Variants in FAM227B observed in about 807,000 individuals in gnomAD.
FAM227B encodes protein FAM227B.
Under a neutral mutation model 73.8 loss-of-function variants are expected in FAM227B, and 88 were observed. The observed-to-expected ratio is 1.19, with a 90% confidence interval of 1.00 to 1.42. The LOEUF (loss-of-function observed/expected upper bound fraction) is 1.42, where lower values mean the gene tolerates loss of function less well. Ranked by LOEUF, FAM227B falls within the 40% of genes most tolerant of loss-of-function variation. The pLI is 0.00. For synonymous variants in FAM227B, 210 were observed against 190.5 expected, an observed-to-expected ratio of 1.10 and a Z score of -0.84; for missense variants, 632 against 590.9, an observed-to-expected ratio of 1.07 and a Z score of -0.72.
intron 11 of FAM227B, among the ~76,000 whole-genome samples, chr15:49,461,840 G>T (rs536143227): frequency 6.6e-6 from 1 of 152,202 alleles, no homozygotes; most frequent in South Asian, 2.1e-4. Flanking sequence ...TCTACATATG[G>T]TTACTAGGGT....
chr15:49,357,007 G>T (rs1164944813), intron 13 of FAM227B, among the ~76,000 whole-genome samples: 2 of 151,080 alleles, frequency 1.3e-5, no homozygotes, highest in Middle Eastern at 3.4e-3. Flanking sequence ...CGAAATGAAG[G>T]CAGAAATAAA....
At chr15:49,613,893 TGA>T (rs1567709473) in intron 2 of FAM227B, among the ~76,000 whole-genome samples, 1 of 152,164 alleles carries the variant, frequency 6.6e-6, no homozygotes. Context: ...TTGAAAAGAA[TGA>T]GAGATATGAG....
intron 15 of FAM227B, 41 bp from the exon 16 acceptor site, chr15:49,328,716 T>A (rs764911836): frequency 2.8e-5 from 44 of 1,545,108 alleles, no homozygotes; most frequent in Middle Eastern, 1.7e-4. Flanking sequence ...CAGATCTTCT[T>A]GGACATTGTA....
rs571206209 is a variant in FAM227B at position 49,441,878 on chromosome 15, G to C, written c.1012+66333C>G. Among the ~76,000 whole-genome samples the C allele has an allele frequency of 1.1e-4, 17 of 151,272 alleles. No homozygotes were observed. The South Asian group carries it at 3.6e-3, about 32-fold the overall frequency. On this transcript the variant is annotated intron_variant, in intron 11 of 15. Coordinates refer to ENST00000299338, the MANE Select transcript of FAM227B (RefSeq NM_152647.3). Reference sequence around the variant, plus strand: ...TCTCAGTGGTCAGTAGGAGGAGGGAGCAACCTTCTCATTGTACTTATGCAT... The same window carrying C: ...TCTCAGTGGTCAGTAGGAGGAGGGACCAACCTTCTCATTGTACTTATGCAT...
At chr15:49,378,235 A>C (rs543882296) in intron 11 of FAM227B, among the ~76,000 whole-genome samples, 1 of 151,516 alleles carries the variant, frequency 6.6e-6, no homozygotes, top group African/African-American at 2.4e-5. Context: ...TTTTTATGCC[A>C]GTACCATGCT....
At chr15:49,516,022 T>A (rs117094444) in intron 10 of FAM227B, among the ~76,000 whole-genome samples, 58 of 152,306 alleles carry the variant, frequency 3.8e-4, no homozygotes, top group African/African-American at 7.7e-4. Flanking sequence ...GGATCTGGTA[T>A]GTAGTCCTGG....
At chr15:49,486,840 G>C (rs1053547203) in intron 11 of FAM227B, 3 of 151,702 alleles carry the variant, frequency 2.0e-5, no homozygotes, top group African/African-American at 4.8e-5. Flanking sequence ...AATAAAATTT[G>C]CTCTAGTTAC....
At chr15:49,464,823 G>C (rs2054119946) in intron 11 of FAM227B, among the ~76,000 whole-genome samples, 1 of 152,098 alleles carries the variant, frequency 6.6e-6, no homozygotes, top group Non-Finnish European at 1.5e-5. Flanking sequence ...CATTCTCCTT[G>C]CTTAGCGTTA....
intron 10 of FAM227B, among the ~76,000 whole-genome samples, chr15:49,517,801 T>C (rs1481297953): frequency 1.3e-5 from 2 of 152,178 alleles, no homozygotes; most frequent in Non-Finnish European, 2.9e-5. Context: ...TTACTACCCA[T>C]TCCAAGGGTA....
At chr15:49,403,432 A>T (rs574287425) in intron 11 of FAM227B, among the ~76,000 whole-genome samples, 1 of 152,272 alleles carries the variant, frequency 6.6e-6, no homozygotes, top group Non-Finnish European at 1.5e-5. Flanking sequence ...TATCGCCTTA[A>T]TTTCAGAACA....
intron 3 of FAM227B, among the ~76,000 whole-genome samples, chr15:49,600,474 T>G (rs1023581355): frequency 6.6e-6 from 1 of 151,264 alleles, no homozygotes; most frequent in African/African-American, 2.4e-5. Context: ...ACCAATATGG[T>G]GAAACCCCAT....
At chr15:49,466,751 CAT>C (rs1404597339) in intron 11 of FAM227B, among the ~76,000 whole-genome samples, 1 of 152,078 alleles carries the variant, frequency 6.6e-6, no homozygotes, top group African/African-American at 2.4e-5. Context: ...AGAGAGGAAA[CAT>C]AATTGTTTCT....
At chr15:49,555,208 A>G (rs936931067) in intron 9 of FAM227B, among the ~76,000 whole-genome samples, 3 of 152,144 alleles carry the variant, frequency 2.0e-5, no homozygotes, top group African/African-American at 7.2e-5. Flanking sequence ...TTTCCTTTCC[A>G]TATTTAGCAC....
chr15:49,403,270 G>T (rs1323698641), intron 11 of FAM227B, among the ~76,000 whole-genome samples: 1 of 152,164 alleles, frequency 6.6e-6, no homozygotes, highest in Non-Finnish European at 1.5e-5. Flanking sequence ...TCAGGATGAT[G>T]CTGGCCTCAC....
At chr15:49,357,445 T>C (rs1370703030) in intron 13 of FAM227B, among the ~76,000 whole-genome samples, 1 of 151,558 alleles carries the variant, frequency 6.6e-6, no homozygotes, top group African/African-American at 2.4e-5. Flanking sequence ...CATCAGAGAA[T>C]ACTACAAACA....
At chr15:49,600,796 A>G (rs1246148299) in intron 3 of FAM227B, among the ~76,000 whole-genome samples, 1 of 151,682 alleles carries the variant, frequency 6.6e-6, no homozygotes, top group African/African-American at 2.4e-5. Context: ...TAATCCCAGC[A>G]CTTCGGGAGG....
Position 49,422,900 on chromosome 15 carries a change from G to T in FAM227B, c.1013-51501C>A, listed in dbSNP as rs577743457. Among the ~76,000 whole-genome samples, 136 of 152,224 alleles carry T rather than the reference G, an allele frequency of 8.9e-4. 5 individuals are homozygous for T. The South Asian group carries it at 0.027, about 30-fold the overall frequency. On this transcript the variant is annotated intron_variant, in intron 11 of 15. Transcript: ENST00000299338. ...ATTGAAGAAATGCATGTATCATAAA[G>T]CTATGGAAAAGATTTTCTAAGTATT... is the stretch of plus-strand genomic sequence containing the variant.
intron 3 of FAM227B, among the ~76,000 whole-genome samples, chr15:49,600,338 GTTTC>G (rs1256993578): frequency 2.4e-4 from 35 of 148,006 alleles, no homozygotes; most frequent in South Asian, 4.2e-4. Context: ...GCATATAGCT[GTTTC>G]TTTCTTTCTT....
intron 11 of FAM227B, among the ~76,000 whole-genome samples, chr15:49,475,989 C>A (rs2055226834): frequency 6.6e-6 from 1 of 152,144 alleles, no homozygotes; most frequent in African/African-American, 2.4e-5. Flanking sequence ...CTTCCTATTC[C>A]AGACATACAG....
Sources: allele counts gnomAD v4.1 joint callset (sites outside exome capture counted in the v4.1 genomes callset), GRCh38; gene constraint gnomAD v4.1.1; transcripts MANE v1.5; gene names NCBI Gene and HGNC (gene_info 2026-07-23, HGNC 2026-07-21).